The following MCM5 variants were observed in gnomAD, a reference collection of about 807,000 sequenced individuals.
MCM5 encodes the protein minichromosome maintenance complex component 5.
MCM5 carries 46 observed loss-of-function variants against 79.9 expected under a neutral mutation model. The ratio of observed to expected loss-of-function variants is 0.58; its 90% CI spans 0.45 to 0.74. The LOEUF (loss-of-function observed/expected upper bound fraction) is 0.74. Ranked by LOEUF, MCM5 falls within the 30% of genes least tolerant of loss-of-function variation. The probability of loss-of-function intolerance (pLI) is 0.00; values close to 1 mark genes in which losing one functional copy is unlikely to be tolerated. For synonymous variants in MCM5, 404 were observed against 390.5 expected, an observed-to-expected ratio of 1.03 and a Z score of -0.41; for missense variants, 883 against 1,017.0, an observed-to-expected ratio of 0.87 and a Z score of 1.79.
chr22:35,408,861 A>C (rs1205644858), intron 6 of MCM5, among the ~76,000 whole-genome samples: 1 of 152,236 alleles, frequency 6.6e-6, no homozygotes, highest in Non-Finnish European at 1.5e-5. Context: ...ATTGCTTTCC[A>C]AAGTCTGTGT....
chr22:35,418,538 T>A (rs1226176368), intron 13 of MCM5, among the ~76,000 whole-genome samples: 2 of 151,986 alleles, frequency 1.3e-5, no homozygotes, highest in Non-Finnish European at 2.9e-5. Flanking sequence ...TGCACACCTA[T>A]AGTCCCAGCT....
At chr22:35,411,006 G>C (rs1402712981) in intron 7 of MCM5, 96 bp downstream of exon 7, 5 of 1,159,068 alleles carry the variant, frequency 4.3e-6, no homozygotes, top group African/African-American at 3.1e-5. Context: ...AGGTAGCCCA[G>C]GATGTCCTTG....
At chr22:35,418,377 C>T (rs1601761334) in intron 13 of MCM5, among the ~76,000 whole-genome samples, 1 of 152,146 alleles carries the variant, frequency 6.6e-6, no homozygotes, top group South Asian at 2.1e-4. Context: ...ATACATAGTA[C>T]TGGCTGGTTG....
the MCM5 span, among the ~76,000 whole-genome samples, chr22:35,437,288 C>T: frequency 6.6e-6 from 1 of 152,206 alleles, no homozygotes; most frequent in Non-Finnish European, 1.5e-5. Context: ...TCCTGGTGGG[C>T]AGGTGACTCA....
chr22:35,424,334 G>T lies in MCM5; in HGVS notation c.*79G>T. The T allele has an allele frequency of 9.3e-7, 1 of 1,070,484 alleles. No homozygotes were observed. Among genetic ancestry groups the T allele is most frequent in the South Asian group, 1.6e-5 (1 of 64,292 alleles). The allele number at this position is 1,070,484 out of a possible 1,614,324, so 66.3% of individuals were successfully genotyped here. A position where few individuals can be genotyped will look rare whatever the true frequency, so the allele number is the denominator to read the frequency against. ...GCTGCCTGCCATTGACAATGTTGCT[G>T]GGACCTCTGCCTCCCCACTGCAGCC... is the stretch of plus-strand genomic sequence containing the variant. On this transcript the variant is annotated 3_prime_UTR_variant, in exon 17 of 17. Coordinates refer to ENST00000216122, the MANE Select transcript of MCM5 (RefSeq NM_006739.4).
chr22:35,410,621 TGTG>T lies in MCM5; in HGVS notation c.753-119_753-117del, dbSNP rs530761706. 195 of 896,610 alleles carry T rather than the reference TGTG, an allele frequency of 2.2e-4. 2 individuals carry two copies. In the South Asian group the frequency reaches 2.4e-3, roughly 11 times the overall value. The allele number at this position is 896,610 out of a possible 1,614,324, so 55.5% of individuals were successfully genotyped here. ...CCGTGGGGCTGGAGCCAGCTCAGCA[TGTG>T]GTGCCTGTGGCAAAAATGCTGCAGT... is the stretch of plus-strand genomic sequence containing the variant. On this transcript the variant is annotated intron_variant, in intron 6 of 16. Coordinates refer to ENST00000216122, the MANE Select transcript of MCM5 (RefSeq NM_006739.4).
chr22:35,441,515 C>T, the MCM5 span, among the ~76,000 whole-genome samples: 15 of 152,152 alleles, frequency 9.9e-5, no homozygotes, highest in African/African-American at 3.6e-4. Context: ...TAGGTGATTC[C>T]CTTGTGCTTA....
rs753606587 is a variant in MCM5 at position 35,416,722 on chromosome 22, G to A, written c.1498G>A (p.Gly500Arg). ...SVFGRWDETK[G>R]EDNIDFMPTI... ...GTTCGGCCGCTGGGATGAGACGAAG[G>A]GGGAGGACAACATTGACTTCATGCC... Residue 500 changes from glycine (G) to arginine (R), a missense_variant, in exon 12 of 17, where the codon GGG (glycine) becomes AGG (arginine). Gly to Arg is a moderately radical substitution (Grantham distance 125). This residue lies in a region of MCM5 where 426 missense variants were observed against 482.3 expected (regional missense o/e 0.88). Transcript: ENST00000216122. 9 of 1,614,178 alleles carry A rather than the reference G, an allele frequency of 5.6e-6. No individual in the cohort carries two copies. Among genetic ancestry groups the A allele is most frequent in the East Asian group, 2.2e-5 (1 of 44,886 alleles).
chr22:35,454,118 G>C, the MCM5 span, among the ~76,000 whole-genome samples: 2 of 152,120 alleles, frequency 1.3e-5, no homozygotes, highest in Non-Finnish European at 2.9e-5. Context: ...GGCAGCATGT[G>C]TGAGGTCGGT....
the MCM5 span, among the ~76,000 whole-genome samples, chr22:35,438,097 G>A: frequency 2.0e-5 from 3 of 152,220 alleles, no homozygotes; most frequent in East Asian, 5.8e-4. Context: ...TGTCTCTTAG[G>A]AAACCCCATC....
chr22:35,441,958 CG>C, the MCM5 span, among the ~76,000 whole-genome samples: 1 of 152,072 alleles, frequency 6.6e-6, no homozygotes, highest in Non-Finnish European at 1.5e-5. Context: ...GGCCAGCCTG[CG>C]TGTTGCAACA....
At chr22:35,454,349 A>T in the MCM5 span, among the ~76,000 whole-genome samples, 1 of 152,060 alleles carries the variant, frequency 6.6e-6, no homozygotes, top group Non-Finnish European at 1.5e-5. Flanking sequence ...TATTAAACAA[A>T]CACATGCCAC....
At chr22:35,453,972 C>A in the MCM5 span, among the ~76,000 whole-genome samples, 1 of 151,566 alleles carries the variant, frequency 6.6e-6, no homozygotes, top group Non-Finnish European at 1.5e-5. Flanking sequence ...TGGCTGCCAC[C>A]AGCCCGCTCT....
the MCM5 span, among the ~76,000 whole-genome samples, chr22:35,436,189 A>G: frequency 6.6e-6 from 1 of 151,586 alleles, no homozygotes; most frequent in Non-Finnish European, 1.5e-5. Context: ...AAAAAGAAAA[A>G]AAGAAAATGG....
chr22:35,421,555 T>C, intron 15 of MCM5, 95 bp downstream of exon 15: 1 of 1,545,580 alleles, frequency 6.5e-7, no homozygotes, highest in African/African-American at 1.4e-5. Flanking sequence ...GCCTGCAGTG[T>C]GTGTCTTGCT....
downstream of MCM5, among the ~76,000 whole-genome samples, chr22:35,427,973 A>C (rs1399970501): frequency 1.3e-5 from 2 of 150,920 alleles, no homozygotes; most frequent in African/African-American, 4.9e-5. Context: ...CCAGGAGTTC[A>C]AGACTAGCCT....
rs745832921 is a variant in MCM5 at position 35,424,208 on chromosome 22, G to A, written c.2158G>A (p.Glu720Lys). 1.3e-6 allele frequency: 2 copies of A among 1,553,346 alleles called. No individual in the cohort carries two copies. The highest frequency in any genetic ancestry group is 2.4e-5 in the East Asian group (1 of 41,194). The change falls in exon 17 of 17, where the codon GAG becomes AAG. Residue 720 changes from glutamate to lysine, a missense_variant. Glu to Lys is a moderately conservative substitution (Grantham distance 56, BLOSUM62 1). Transcript: ENST00000216122. ...GCTGCAGCTCATGCTGCGGCGCGGC[G>A]AGATCCAGCATCGCATGCAGCGCAA... ...KVLQLMLRRGEIQHRMQRKVL... is the reference protein window; with the variant it reads ...KVLQLMLRRGKIQHRMQRKVL...
In MCM5 at chr22:35,403,455, G is replaced by A; in HGVS notation, c.336G>A (p.Arg112=). 6.2e-7 allele frequency: 1 copy of A among 1,614,208 alleles called. No individual in the cohort carries two copies. Among genetic ancestry groups the A allele is most frequent in the Non-Finnish European group, 8.5e-7 (1 of 1,180,042 alleles). ...AGGAGGTAGCTGATGAGGTGACCCG[G>A]CCCCGGCCTTCTGGGGAGGAGGTGC... is the stretch of plus-strand genomic sequence containing the variant. ...AAKEVADEVT[R]PRPSGEEVLQ... is the part of the protein sequence containing the mutation. Residue 112 remains arginine (R), a synonymous_variant, in exon 4 of 17, where the codon CGG becomes CGA. Coordinates refer to ENST00000216122, the MANE Select transcript of MCM5 (RefSeq NM_006739.4).
intron 15 of MCM5, 37 bp from the exon 16 acceptor site, chr22:35,423,177 C>T: frequency 6.6e-7 from 1 of 1,524,256 alleles, no homozygotes; most frequent in South Asian, 1.3e-5. Context: ...TCCCATTGTC[C>T]CAGCTCCCCG....
Sources: gnomAD v4.1 joint callset for allele counts (sites outside exome capture counted in the v4.1 genomes callset) on GRCh38, gnomAD v4.1.1 for gene constraint, gnomAD v4.1.1 regional missense constraint, MANE v1.5 for transcripts, NCBI Gene and HGNC (gene_info 2026-07-23, HGNC 2026-07-21) for gene names.